Variants in WDFY3 observed in about 807,000 individuals in gnomAD.
WDFY3 encodes WD repeat and FYVE domain-containing protein 3.
Under a neutral mutation model 409.6 loss-of-function variants are expected in WDFY3, and 66 were observed. The ratio of observed to expected loss-of-function variants is 0.16; its 90% confidence interval spans 0.13 to 0.20. WDFY3 has a LOEUF of 0.20. Ranked by LOEUF, WDFY3 falls within the 10% of genes least tolerant of loss-of-function variation. The probability of loss-of-function intolerance (pLI) is 1.00; values close to 1 mark genes in which losing one functional copy is unlikely to be tolerated. For synonymous variants in WDFY3, 1,521 were observed against 1,537.1 expected (o/e 0.99, Z 0.25); for missense variants, 3,031 against 4,298.1 (o/e 0.71, Z 8.24).
intron 3 of WDFY3, among the ~76,000 whole-genome samples, chr4:84,881,160 C>G (rs942709729): frequency 1.1e-4 from 16 of 152,116 alleles, no homozygotes; most frequent in African/African-American, 3.9e-4. Context: ...ACATACGCAT[C>G]AATTGCTTAA....
intron 1 of WDFY3, among the ~76,000 whole-genome samples, chr4:84,939,888 G>A (rs1771898732): frequency 6.6e-6 from 1 of 152,090 alleles, no homozygotes; most frequent in African/African-American, 2.4e-5. Flanking sequence ...AGTTAGGTAT[G>A]CTCTTTGCCT....
chr4:84,780,206 C>G lies in WDFY3; in HGVS notation c.4267G>C (p.Asp1423His), dbSNP rs754850367. 1 of 1,613,976 alleles carries G rather than the reference C, an allele frequency of 6.2e-7. No individual in the cohort carries two copies. The highest frequency in any genetic ancestry group is 8.5e-7 in the Non-Finnish European group (1 of 1,179,938). The change falls in exon 26 of 68, where the codon GAT becomes CAT. Residue 1423 changes from aspartate to histidine, a missense_variant. Around this residue, in one of 16 missense-constraint regions of WDFY3, gnomAD observed 55 missense variants for 124.1 expected, o/e 0.44. Coordinates refer to ENST00000295888, the MANE Select transcript of WDFY3 (RefSeq NM_014991.6). ...AILGLVAMAS[D>H]VEGLYAAVKA... ...ACTGCTGCATATAACCCTTCCACAT[C>G]AGAGGCCATGGCCACCAGGCCCAGG...
At chr4:84,702,201 A>G in intron 56 of WDFY3, 152 bp downstream of exon 56, 10 of 844,256 alleles carry the variant, frequency 1.2e-5, no homozygotes, top group Non-Finnish European at 1.7e-5. Flanking sequence ...AATCACATGT[A>G]ACCACACCCA....
rs773952147 is a variant in WDFY3 at position 84,751,667 on chromosome 4, G to A, written c.5789C>T (p.Ala1930Val). ...EVGSPAEEFK[A>V]FAADTGMNRS... ...GTTCATCCCTGTGTCTGCTGCAAAC[G>A]CTTTAAACTCTTCTGCTGGAGATCC... The change falls in exon 36 of 68, where the codon GCG becomes GTG. Residue 1930 changes from alanine to valine, a missense_variant. Coordinates refer to ENST00000295888, the MANE Select transcript of WDFY3 (RefSeq NM_014991.6). 8.7e-5 allele frequency: 141 copies of A among 1,613,952 alleles called. No individual in the cohort carries two copies. The highest frequency in any genetic ancestry group is 1.1e-4 in the Non-Finnish European group (131 of 1,180,028).
At chr4:84,898,758 A>G (rs1367837044) in intron 2 of WDFY3, among the ~76,000 whole-genome samples, 1 of 152,206 alleles carries the variant, frequency 6.6e-6, no homozygotes, top group Non-Finnish European at 1.5e-5. Context: ...AAAGGGAATC[A>G]CAACAAAATG....
At chr4:84,958,644 C>G (rs1774538560) in intron 1 of WDFY3, among the ~76,000 whole-genome samples, 1 of 152,172 alleles carries the variant, frequency 6.6e-6, no homozygotes, top group Non-Finnish European at 1.5e-5. Flanking sequence ...GAATGCATCT[C>G]TGCCATGCAG....
chr4:84,778,768 CATACACACAG>C, intron 26 of WDFY3, 113 bp from the exon 27 acceptor site: 2 of 948,892 alleles, frequency 2.1e-6, no homozygotes, highest in Non-Finnish European at 1.5e-6. Context: ...CAAACACACA[CATACACACAG>C]AATCCTATGT....
At chr4:84,739,392 A>G (rs570805402) in intron 39 of WDFY3, 42 of 335,162 alleles carry the variant, frequency 1.3e-4, no homozygotes, top group Non-Finnish European at 1.9e-4. Flanking sequence ...TTTTTACCTA[A>G]TAATTACAAA....
intron 32 of WDFY3, among the ~76,000 whole-genome samples, chr4:84,761,804 A>T (rs1345648185): frequency 5.3e-5 from 8 of 152,218 alleles, no homozygotes; most frequent in South Asian, 2.1e-4. Context: ...TGGGCAAAGG[A>T]CATGAACAGA....
chr4:84,949,765 G>T (rs1323093466), intron 1 of WDFY3, among the ~76,000 whole-genome samples: 2 of 151,976 alleles, frequency 1.3e-5, no homozygotes, highest in African/African-American at 2.4e-5. Flanking sequence ...GCCACAGATG[G>T]GATCACCGCC....
At position 84,860,717 on chromosome 4, in the gene WDFY3, G is replaced by T. The variant is rs1190212681; in HGVS notation, c.-31-95C>A. 3.7e-6 allele frequency: 4 copies of T among 1,091,570 alleles called. No individual in the cohort carries two copies. In the East Asian group the frequency reaches 1.2e-4, roughly 34 times the overall value. The allele number at this position is 1,091,570 out of a possible 1,614,324, so 67.6% of individuals were successfully genotyped here. On this transcript the variant is annotated intron_variant, in intron 3 of 67. Coordinates refer to ENST00000295888, the MANE Select transcript of WDFY3 (RefSeq NM_014991.6). ...GAGCTTATAAGAAATTTGCAAAATA[G>T]AAAATTCTGTCTAAAATATATCTTT... is the stretch of plus-strand genomic sequence containing the variant.
intron 3 of WDFY3, among the ~76,000 whole-genome samples, chr4:84,864,484 A>G (rs750841959): frequency 1.3e-5 from 2 of 152,160 alleles, no homozygotes; most frequent in African/African-American, 2.4e-5. Flanking sequence ...TAACTCTACC[A>G]ATCCATGAAC....
rs201650873 is a variant in WDFY3 at position 84,761,723 on chromosome 4, G to GGCTA, written c.5188+4083_5188+4086dup. Among the ~76,000 whole-genome samples the GGCTA allele has an allele frequency of 4.2e-3, 643 of 152,064 alleles. 2 individuals carry two copies. The highest frequency in any genetic ancestry group is 0.013 in the African/African-American group (559 of 41,474). ...TTCACAACCTACTCATCTGACTAAG[G>GGCTA]GCTAATATCCAGAATCTACAACGAA... On this transcript the variant is annotated intron_variant, in intron 32 of 67. Transcript: ENST00000295888.
At chr4:84,905,314 C>T (rs1311007293) in intron 2 of WDFY3, among the ~76,000 whole-genome samples, 6 of 152,116 alleles carry the variant, frequency 3.9e-5, no homozygotes, top group Admixed American at 6.5e-5. Context: ...CCAGCCTGGG[C>T]GACAGAGTGA....
intron 51 of WDFY3, 68 bp from the exon 52 acceptor site, chr4:84,709,415 G>C: frequency 1.4e-6 from 2 of 1,457,422 alleles, no homozygotes; most frequent in Non-Finnish European, 1.9e-6. Flanking sequence ...TTATAAAGTT[G>C]AAAAATTTAA....
chr4:84,893,892 AGGCAGAGAATTTCTTGAAC>A (rs1765261825), intron 3 of WDFY3, among the ~76,000 whole-genome samples: 2 of 152,106 alleles, frequency 1.3e-5, no homozygotes, highest in African/African-American at 4.8e-5. Context: ...CAGGAGGCTG[AGGCAGAGAATTTCTTGAAC>A]CCAGGAGGCA....
chr4:84,870,676 G>T (rs1453648694), intron 3 of WDFY3, among the ~76,000 whole-genome samples: 1 of 152,068 alleles, frequency 6.6e-6, no homozygotes, highest in Non-Finnish European at 1.5e-5. Context: ...CTTTCCTGGG[G>T]GAAGGGCATT....
Position 84,902,887 on chromosome 4 carries a change from T to C in WDFY3, c.-131-5877A>G, listed in dbSNP as rs541935354. On this transcript the variant is annotated intron_variant, in intron 2 of 67. Coordinates refer to ENST00000295888, the MANE Select transcript of WDFY3 (RefSeq NM_014991.6). ...TTGGAGATAGCATATGTAAAGTCTT[T>C]GACTTAGTGCCAGAATATTAGAAGC... 8.5e-5 allele frequency among the ~76,000 whole-genome samples: 13 copies of C among 152,312 alleles called. 1 individual carries two copies. The South Asian group carries it at 2.7e-3, about 32-fold the overall frequency.
intron 13 of WDFY3, among the ~76,000 whole-genome samples, chr4:84,812,296 T>C (rs1752631014): frequency 6.6e-6 from 1 of 152,166 alleles, no homozygotes; most frequent in Admixed American, 6.5e-5. Context: ...ACTATATGAA[T>C]ACTTAAAATA....
Sources: allele counts gnomAD v4.1 joint callset (sites outside exome capture counted in the v4.1 genomes callset), GRCh38; gene constraint gnomAD v4.1.1; regional missense constraint gnomAD v4.1.1; transcripts MANE v1.5; gene names NCBI Gene and HGNC (gene_info 2026-07-23, HGNC 2026-07-21).